The following BNIP2 variants were observed in gnomAD, a reference collection of about 807,000 sequenced individuals.
BNIP2 encodes BCL2 interacting protein 2.
In BNIP2, 36 loss-of-function variants were observed where a neutral mutation model predicts 43.4. The observed-to-expected ratio is 0.83, with a 90% CI of 0.64 to 1.10. The LOEUF (loss-of-function observed/expected upper bound fraction) is 1.10, where lower values mean the gene tolerates loss of function less well. Ranked by LOEUF, BNIP2 falls within the 50% of genes least tolerant of loss-of-function variation. The pLI is 0.00. For missense variants in BNIP2, 417 were observed against 374.1 expected, an observed-to-expected ratio of 1.11 and a Z score of -0.95; for synonymous variants, 146 against 121.0, an observed-to-expected ratio of 1.21 and a Z score of -1.35.
intron 4 of BNIP2, chr15:59,678,394 C>T (rs1379635693): frequency 9.2e-7 from 1 of 1,086,438 alleles, no homozygotes; most frequent in East Asian, 7.8e-5. Context: ...GTACACTGGC[C>T]TTACAATGCC....
At position 59,662,908 on chromosome 15, in the gene BNIP2, A is replaced by G. The variant is rs1892353268; in HGVS notation, c.*1161T>C. The G allele has an allele frequency of 6.6e-6, 1 of 152,272 alleles. No homozygotes were observed. Among genetic ancestry groups the G allele is most frequent in the African/African-American group, 2.4e-5 (1 of 41,462 alleles). The allele number at this position is 152,272 out of a possible 1,614,324, so 9.4% of individuals were successfully genotyped here. A position where few individuals can be genotyped will look rare whatever the true frequency, so the allele number is the denominator to read the frequency against. On this transcript the variant is annotated 3_prime_UTR_variant, in exon 10 of 10. Coordinates refer to ENST00000607373, the MANE Select transcript of BNIP2 (RefSeq NM_004330.4). Reference sequence around the variant, plus strand: ...TATTTCAATGTAAAGGTACTACCAAATGAAACAGTTTAAATGCTTGTAACA... The same window carrying G: ...TATTTCAATGTAAAGGTACTACCAAGTGAAACAGTTTAAATGCTTGTAACA...
chr15:59,686,484 C>G (rs1894021243), intron 1 of BNIP2, among the ~76,000 whole-genome samples: 1 of 152,108 alleles, frequency 6.6e-6, no homozygotes, highest in Non-Finnish European at 1.5e-5. Flanking sequence ...GCAATAGGTG[C>G]CAGTAATGAC....
At chr15:59,688,688 C>T (rs1566989094) in intron 1 of BNIP2, 3 of 1,533,100 alleles carry the variant, frequency 2.0e-6, no homozygotes, top group Non-Finnish European at 2.6e-6. Flanking sequence ...GCCCTGATTA[C>T]TTATGCTGCT....
chr15:59,664,963 C>A (rs1299893743), intron 9 of BNIP2, among the ~76,000 whole-genome samples: 1 of 152,154 alleles, frequency 6.6e-6, no homozygotes, highest in Non-Finnish European at 1.5e-5. Context: ...CAGTAAGAAG[C>A]CTTAAGAATT....
At position 59,660,332 on chromosome 15, in the gene BNIP2, T is replaced by C. The variant is rs117750038; in HGVS notation, c.*3737A>G. On this transcript the variant is annotated 3_prime_UTR_variant, in exon 10 of 10. Transcript: ENST00000607373. ...AGAAAAAACAGGCATGAAAACAAAA[T>C]AGAATGGTGTAGCAATCTCTATTTT... 1.5e-4 allele frequency: 23 copies of C among 152,272 alleles called. No homozygotes were observed. The East Asian group carries it at 1.7e-3, about 11-fold the overall frequency. 9.4% of individuals were successfully genotyped at this position (152,272 alleles called of 1,614,324 possible). A position where few individuals can be genotyped will look rare whatever the true frequency, so the allele number is the denominator to read the frequency against.
chr15:59,676,719 G>A, intron 5 of BNIP2: 1 of 1,016,584 alleles, frequency 9.8e-7, no homozygotes, highest in Non-Finnish European at 1.4e-6. Context: ...GCAGTGGAGT[G>A]CCGCGCGGTG....
Position 59,682,489 on chromosome 15 carries a change from T to G in BNIP2, c.-32A>C. On this transcript the variant is annotated 5_prime_UTR_variant, in exon 2 of 10. Coordinates refer to ENST00000607373, the MANE Select transcript of BNIP2 (RefSeq NM_004330.4). ...CCTGGATTCAATGTCAACTACAAAC[T>G]CTTGATAATCCAGGGAGCCAATGTC... is the stretch of plus-strand genomic sequence containing the variant. 2 of 1,613,140 alleles carry G rather than the reference T, an allele frequency of 1.2e-6. No homozygotes were observed. The highest frequency in any genetic ancestry group is 8.5e-7 in the Non-Finnish European group (1 of 1,179,628).
chr15:59,675,339 G>A (rs1198884011), intron 5 of BNIP2, among the ~76,000 whole-genome samples: 5 of 148,862 alleles, frequency 3.4e-5, no homozygotes, highest in Admixed American at 2.7e-4. Flanking sequence ...GGCCGGGCAC[G>A]GTGGCTCATG....
intron 1 of BNIP2, among the ~76,000 whole-genome samples, chr15:59,684,540 T>G (rs1312749829): frequency 6.6e-6 from 1 of 152,178 alleles, no homozygotes; most frequent in Non-Finnish European, 1.5e-5. Context: ...GTGAAAATAC[T>G]TACTACTCTA....
In BNIP2 at chr15:59,662,407, A is replaced by G. The variant is rs1892325820; in HGVS notation, c.*1662T>C. ...AATCGTTTTGGCTCAATTCACTGTAATGACATTAGTTCAGGATCTGCCAAG... is the reference window on the plus strand; with the variant it reads ...AATCGTTTTGGCTCAATTCACTGTAGTGACATTAGTTCAGGATCTGCCAAG... On this transcript the variant is annotated 3_prime_UTR_variant, in exon 10 of 10. Coordinates refer to ENST00000607373, the MANE Select transcript of BNIP2 (RefSeq NM_004330.4). The G allele has an allele frequency of 6.6e-6, 1 of 152,232 alleles. No individual in the cohort carries two copies. 9.4% of individuals were successfully genotyped at this position (152,232 alleles called of 1,614,324 possible).
rs1256331000 is a variant in BNIP2 at position 59,675,725 on chromosome 15, T to TA, written c.472+2185dup. Among the ~76,000 whole-genome samples, 253 of 151,282 alleles carry TA rather than the reference T, an allele frequency of 1.7e-3. 1 individual carries two copies. The highest frequency in any genetic ancestry group is 4.7e-3 in the African/African-American group (194 of 41,260). ...AAGCTGGAAACAACTCACATGCACA[T>TA]AAAAAAAAACGGATAAGCAAATTAT... On this transcript the variant is annotated intron_variant, in intron 5 of 9. Coordinates refer to ENST00000607373, the MANE Select transcript of BNIP2 (RefSeq NM_004330.4).
In BNIP2 at chr15:59,659,992, ATCTGAT is replaced by A. The variant is rs1236429970; in HGVS notation, c.*4071_*4076del. ...GTTACATAACTGGGTCTCACCATTG[ATCTGAT>A]TCTAAGTTCATTCAGAATTTCAAGA... On this transcript the variant is annotated 3_prime_UTR_variant, in exon 10 of 10. Transcript: ENST00000607373. The A allele has an allele frequency of 6.6e-6, 1 of 152,180 alleles. No homozygotes were observed. Among genetic ancestry groups the A allele is most frequent in the Non-Finnish European group, 1.5e-5 (1 of 68,036 alleles). The allele number at this position is 152,180 out of a possible 1,614,324, so 9.4% of individuals were successfully genotyped here. A position where few individuals can be genotyped will look rare whatever the true frequency, so the allele number is the denominator to read the frequency against.
Position 59,689,300 on chromosome 15 carries a change from A to C in BNIP2, c.-223T>G. The C allele has an allele frequency of 6.5e-7, 1 of 1,546,680 alleles. No homozygotes were observed. On this transcript the variant is annotated 5_prime_UTR_variant, in exon 1 of 10. Coordinates refer to ENST00000607373, the MANE Select transcript of BNIP2 (RefSeq NM_004330.4). The stretch of plus-strand genomic sequence containing the variant: ...GCCGCAGCGGTACGGCGTCGGCGGC[A>C]GCAGCTGACCCGGACACAGTGAGAA...
intron 9 of BNIP2, among the ~76,000 whole-genome samples, chr15:59,667,614 CATTTA>C (rs1224618076): frequency 6.6e-6 from 1 of 152,132 alleles, no homozygotes; most frequent in Non-Finnish European, 1.5e-5. Flanking sequence ...GTTAGCAAGC[CATTTA>C]ATTTAAGCAT....
chr15:59,688,792 T>C, intron 1 of BNIP2: 1 of 1,535,368 alleles, frequency 6.5e-7, no homozygotes, highest in Non-Finnish European at 8.7e-7. Context: ...TACTGAACCA[T>C]CGTAGCCCAG....
intron 7 of BNIP2, 32 bp from the exon 8 acceptor site, chr15:59,669,394 A>G: frequency 7.6e-7 from 1 of 1,308,930 alleles, no homozygotes; most frequent in Middle Eastern, 1.9e-4. Flanking sequence ...CACACACACA[A>G]AGAAAATTAA....
intron 9 of BNIP2, chr15:59,665,270 A>G (rs985339426): frequency 6.6e-6 from 1 of 151,414 alleles, no homozygotes; most frequent in Non-Finnish European, 1.5e-5. Flanking sequence ...TCTTAAAAAA[A>G]TAAATAAAAT....
intron 2 of BNIP2, among the ~76,000 whole-genome samples, chr15:59,681,416 G>GTT (rs536611243): frequency 1.4e-5 from 2 of 138,572 alleles, no homozygotes; most frequent in African/African-American, 2.6e-5. Context: ...ACTTAGTAAG[G>GTT]TTTTTTTTTT....
chr15:59,688,436 A>T (rs6151440), intron 1 of BNIP2: 104,382 of 295,936 alleles, frequency 0.35, 21,196 homozygotes, highest in East Asian at 0.54. Context: ...CACATAGTTT[A>T]TTCAATTAAA....
Sources: allele counts gnomAD v4.1 joint callset (sites outside exome capture counted in the v4.1 genomes callset), GRCh38; gene constraint gnomAD v4.1.1; transcripts MANE v1.5; gene names NCBI Gene and HGNC (gene_info 2026-07-23, HGNC 2026-07-21).